Variants in PDE1A observed in about 807,000 individuals in gnomAD.
PDE1A encodes phosphodiesterase 1A.
In PDE1A, 35 loss-of-function variants were observed where a neutral mutation model predicts 61.7. The ratio of observed to expected loss-of-function variants is 0.57; its 90% CI spans 0.43 to 0.75. The LOEUF (loss-of-function observed/expected upper bound fraction) is 0.75. Ranked by LOEUF, PDE1A falls within the 30% of genes least tolerant of loss-of-function variation. The pLI is 0.00. For missense variants in PDE1A, 597 were observed against 630.6 expected, an observed-to-expected ratio of 0.95 and a Z score of 0.57; for synonymous variants, 232 against 213.2, an observed-to-expected ratio of 1.09 and a Z score of -0.77.
At chr2:182,410,864 TAC>T (rs1327164881) in intron 1 of PDE1A, among the ~76,000 whole-genome samples, 2 of 152,212 alleles carry the variant, frequency 1.3e-5, no homozygotes, top group Non-Finnish European at 2.9e-5. Flanking sequence ...TAAGGCCATT[TAC>T]ACAGTGTCTC....
chr2:182,525,915 G>GA (rs980782212), upstream of PDE1A, among the ~76,000 whole-genome samples: 2 of 149,802 alleles, frequency 1.3e-5, no homozygotes, highest in Admixed American at 1.3e-4. Flanking sequence ...TAATATACCT[G>GA]AAAAAAGAAA....
At chr2:182,479,739 C>A (rs1687589996) in intron 2 of PDE1A, among the ~76,000 whole-genome samples, 1 of 151,774 alleles carries the variant, frequency 6.6e-6, no homozygotes, top group Non-Finnish European at 1.5e-5. Context: ...AAGTATAAAT[C>A]ATACATAATA....
intron 13 of PDE1A, chr2:182,168,371 T>C: frequency 7.8e-7 from 1 of 1,276,004 alleles, no homozygotes; most frequent in East Asian, 2.4e-5. Flanking sequence ...TAATTCTCAT[T>C]TATAATCAGC....
upstream of PDE1A, among the ~76,000 whole-genome samples, chr2:182,523,708 A>G (rs1379433492): frequency 6.6e-6 from 1 of 152,194 alleles, no homozygotes; most frequent in African/African-American, 2.4e-5. Flanking sequence ...TTACCTTTTT[A>G]AATTCTTACA....
rs781702002 is a variant in PDE1A at position 182,267,449 on chromosome 2, A to ACACACACACGCCTATATT, written c.54-3053_54-3036dup. On this transcript the variant is annotated intron_variant, in intron 1 of 13. Coordinates refer to ENST00000351439, the Ensembl canonical transcript of PDE1A. ...CACATGCACACACACACACACACAC[A>ACACACACACGCCTATATT]CACACACACGCCTATATTCACTATG... 5.9e-3 allele frequency among the ~76,000 whole-genome samples: 891 copies of ACACACACACGCCTATATT among 151,770 alleles called. 8 individuals are homozygous for ACACACACACGCCTATATT. Among genetic ancestry groups the ACACACACACGCCTATATT allele is most frequent in the Middle Eastern group, 0.02 (6 of 294 alleles).
chr2:182,235,494 G>A (rs565547691), intron 3 of PDE1A, among the ~76,000 whole-genome samples: 54 of 151,950 alleles, frequency 3.6e-4, no homozygotes, highest in Non-Finnish European at 7.1e-4. Context: ...TCTTCTGCTG[G>A]GCAACCCAAA....
intron 2 of PDE1A, among the ~76,000 whole-genome samples, chr2:182,473,581 C>T (rs185288970): frequency 1.3e-5 from 2 of 151,858 alleles, no homozygotes; most frequent in Non-Finnish European, 2.9e-5. Flanking sequence ...TACATCATTT[C>T]ATCACCCAGG....
At chr2:182,716,491 T>C in the PDE1A span, 1 of 152,450 alleles carries the variant, frequency 6.6e-6, no homozygotes, top group Admixed American at 6.5e-5. Flanking sequence ...AAGGTGGGCA[T>C]GGGCCCGGGG....
At chr2:182,214,452 G>T (rs35704530) in intron 7 of PDE1A, among the ~76,000 whole-genome samples, 29,469 of 150,022 alleles carry the variant, frequency 0.2, 3,140 homozygotes, top group East Asian at 0.31. Context: ...ATGCTCCAAT[G>T]AAAAGACACA....
the PDE1A span, among the ~76,000 whole-genome samples, chr2:182,559,066 C>A: frequency 6.6e-6 from 1 of 152,132 alleles, no homozygotes; most frequent in Non-Finnish European, 1.5e-5. Context: ...ATACCTCAAC[C>A]AAAGAGAGCT....
intron 1 of PDE1A, among the ~76,000 whole-genome samples, chr2:182,402,979 T>C (rs1417047319): frequency 6.6e-6 from 1 of 152,116 alleles, no homozygotes; most frequent in Non-Finnish European, 1.5e-5. Flanking sequence ...TGAGATACCA[T>C]CTCACGCCAG....
chr2:182,569,388 TA>T, the PDE1A span, among the ~76,000 whole-genome samples: 1 of 152,082 alleles, frequency 6.6e-6, no homozygotes, highest in East Asian at 1.9e-4. Flanking sequence ...TAAATGGTTT[TA>T]TAAGGGAGGC....
the PDE1A span, among the ~76,000 whole-genome samples, chr2:182,609,553 A>C: frequency 2.0e-5 from 3 of 152,210 alleles, no homozygotes; most frequent in African/African-American, 7.2e-5. Context: ...AGGAATGAAA[A>C]ACTCCAGACG....
chr2:182,221,440 G>C (rs1384033303), intron 7 of PDE1A, among the ~76,000 whole-genome samples: 1 of 152,058 alleles, frequency 6.6e-6, no homozygotes, highest in Non-Finnish European at 1.5e-5. Flanking sequence ...AAAATGATCT[G>C]CATAGTCTTG....
intron 11 of PDE1A, among the ~76,000 whole-genome samples, chr2:182,188,448 G>A (rs140778991): frequency 1.3e-5 from 2 of 152,310 alleles, no homozygotes; most frequent in East Asian, 3.9e-4. Context: ...TAATGGACTG[G>A]ACTTGAAGTC....
At chr2:182,143,568 T>C (rs952613554), downstream of PDE1A, among the ~76,000 whole-genome samples, 1 of 152,068 alleles carries the variant, frequency 6.6e-6, no homozygotes, top group Non-Finnish European at 1.5e-5. Flanking sequence ...CAGGCTGGAG[T>C]GCAGTGGCGC....
chr2:182,362,681 A>G (rs999495154), intron 1 of PDE1A, among the ~76,000 whole-genome samples: 2 of 152,032 alleles, frequency 1.3e-5, no homozygotes, highest in African/African-American at 2.4e-5. Flanking sequence ...CAGAGACCTA[A>G]GAAATACCAT....
intron 2 of PDE1A, among the ~76,000 whole-genome samples, chr2:182,505,337 A>C (rs1004738471): frequency 6.6e-6 from 1 of 152,138 alleles, no homozygotes; most frequent in Non-Finnish European, 1.5e-5. Flanking sequence ...CCTCCTACCC[A>C]CTATGTAGTT....
the PDE1A span, among the ~76,000 whole-genome samples, chr2:182,572,313 C>A: frequency 1.3e-5 from 2 of 152,090 alleles, no homozygotes; most frequent in African/African-American, 4.8e-5. Context: ...CCTCTTCTGG[C>A]AATCTAGGAG....
Sources: allele counts gnomAD v4.1 joint callset (sites outside exome capture counted in the v4.1 genomes callset), GRCh38; gene constraint gnomAD v4.1.1; transcripts MANE v1.5; gene names NCBI Gene and HGNC (gene_info 2026-07-23, HGNC 2026-07-21).